The following IARS2 variants were observed in gnomAD, a reference collection of about 807,000 sequenced individuals.
IARS2 encodes the protein isoleucine--tRNA ligase, mitochondrial.
Under a neutral mutation model 126.3 loss-of-function variants are expected in IARS2, and 56 were observed. That is an observed-to-expected ratio of 0.44 (90% CI 0.36 to 0.55). The LOEUF is 0.55. IARS2 is among the 20% of genes least tolerant of loss of function. The pLI is 0.00. For missense variants in IARS2, 1,127 were observed against 1,245.9 expected (o/e 0.90, Z 1.44); for synonymous variants, 407 against 441.1 (o/e 0.92, Z 0.97).
At chr1:220,146,762 C>A (rs1272330902) in intron 22 of IARS2, among the ~76,000 whole-genome samples, 1 of 152,140 alleles carries the variant, frequency 6.6e-6, no homozygotes, top group Non-Finnish European at 1.5e-5. Flanking sequence ...ACCTCCGCCT[C>A]CCAGATTCAA....
chr1:220,111,576 G>GTA (rs148565915), intron 11 of IARS2, among the ~76,000 whole-genome samples: 15,424 of 139,212 alleles, frequency 0.11, 886 homozygotes, highest in African/African-American at 0.16. Context: ...TTCTATATGG[G>GTA]TATATATATA....
At chr1:220,118,198 G>A (rs746924691) in intron 12 of IARS2, 3 of 506,642 alleles carry the variant, frequency 5.9e-6, no homozygotes, top group African/African-American at 3.9e-5. Context: ...CTGGAAATTG[G>A]TACACAGTCC....
In IARS2 at chr1:220,143,102, A is replaced by G. The variant is rs752232281; in HGVS notation, c.2719A>G (p.Ile907Val). Residue 907 changes from isoleucine to valine, a missense_variant, in exon 21 of 23, where the codon ATA (isoleucine) becomes GTA (valine). Transcript: ENST00000366922. The stretch of plus-strand genomic sequence containing the variant: ...AGCTGAGTACAAGGTTATCACTGTG[A>G]TAGAACCTGGACTGCTTTTTGAGAT... ...NAAEYKVITV[I>V]EPGLLFEIIE... The G allele has an allele frequency of 1.2e-6, 2 of 1,613,914 alleles. No homozygotes were observed. Among genetic ancestry groups the G allele is most frequent in the African/African-American group, 1.3e-5 (1 of 74,936 alleles).
At chr1:220,100,371 T>G (rs1052904246) in intron 2 of IARS2, 119 bp from the exon 3 acceptor site, 1 of 840,504 alleles carries the variant, frequency 1.2e-6, no homozygotes, top group Non-Finnish European at 1.8e-6. Flanking sequence ...AAAAAGAACA[T>G]AAATTGTAGG....
At chr1:220,115,039 AG>A (rs1436786249) in intron 12 of IARS2, among the ~76,000 whole-genome samples, 19 of 151,926 alleles carry the variant, frequency 1.3e-4, no homozygotes, top group African/African-American at 4.4e-4. Context: ...TTCCTACTCC[AG>A]GTATCCAGAA....
intron 12 of IARS2, chr1:220,117,838 A>G: frequency 1.9e-6 from 1 of 521,456 alleles, no homozygotes; most frequent in Non-Finnish European, 4.0e-6. Flanking sequence ...GCGTGGTGTT[A>G]GTCGATTTCT....
At chr1:220,136,423 CA>C (rs1189502214) in intron 15 of IARS2, among the ~76,000 whole-genome samples, 1 of 152,112 alleles carries the variant, frequency 6.6e-6, no homozygotes, top group Non-Finnish European at 1.5e-5. Flanking sequence ...TGAGCCACTG[CA>C]CCCAGCCGAA....
chr1:220,098,104 G>T (rs1656486743), intron 2 of IARS2, among the ~76,000 whole-genome samples: 1 of 151,892 alleles, frequency 6.6e-6, no homozygotes, highest in South Asian at 2.1e-4. Context: ...AGCCAGGATG[G>T]TCTCCATCTC....
intron 2 of IARS2, among the ~76,000 whole-genome samples, chr1:220,096,938 C>G (rs990678997): frequency 1.3e-5 from 2 of 151,684 alleles, no homozygotes; most frequent in African/African-American, 2.4e-5. Context: ...CCCAGCTACT[C>G]GGGAGGCTGA....
chr1:220,100,222 T>A (rs2289190), intron 2 of IARS2, among the ~76,000 whole-genome samples: 2 of 152,066 alleles, frequency 1.3e-5, no homozygotes, highest in African/African-American at 2.4e-5. Context: ...CTGAGTACAC[T>A]GTAAGTTCTG....
Position 220,141,863 on chromosome 1 carries a change from A to G in IARS2, c.2475A>G (p.Glu825=), listed in dbSNP as rs777023665. The change falls in exon 20 of 23, where the codon GAA becomes GAG. Residue 825 remains glutamate, a synonymous_variant. Coordinates refer to ENST00000366922, the MANE Select transcript of IARS2 (RefSeq NM_018060.4). ...KRRSCQTALV[E]ILDVIVRSFA... ...GCTCTTGTCAGACTGCATTAGTTGA[A>G]ATTTTGGATGTAATAGTTCGTTCTT... The G allele has an allele frequency of 6.2e-7, 1 of 1,614,186 alleles. No homozygotes were observed. The highest frequency in any genetic ancestry group is 8.5e-7 in the Non-Finnish European group (1 of 1,180,036).
chr1:220,118,509 AT>A (rs758326195), intron 12 of IARS2, among the ~76,000 whole-genome samples: 2 of 152,108 alleles, frequency 1.3e-5, no homozygotes, highest in African/African-American at 4.8e-5. Context: ...TGCCATTAGA[AT>A]TTGGGTTGAA....
intron 1 of IARS2, among the ~76,000 whole-genome samples, chr1:220,095,515 CAGAA>C (rs1310074993): frequency 2.0e-5 from 3 of 152,226 alleles, no homozygotes; most frequent in Admixed American, 2.0e-4. Flanking sequence ...TTCTGTATGC[CAGAA>C]AGAGTGACAG....
intron 3 of IARS2, 110 bp from the exon 4 acceptor site, chr1:220,102,019 T>G (rs1656584485): frequency 9.6e-7 from 1 of 1,039,390 alleles, no homozygotes; most frequent in Non-Finnish European, 1.4e-6. Flanking sequence ...AAAAAAAATT[T>G]GCATTCTAAA....
chr1:220,144,296 T>G, intron 21 of IARS2: 1 of 759,062 alleles, frequency 1.3e-6, no homozygotes, highest in South Asian at 1.3e-5. Context: ...TTGCCTCTCT[T>G]TTTGGCATTG....
rs1657459643 is a variant in IARS2, at chr1:220,140,308, T to G, written c.2414+19T>G. ...AAGATAGGTATGTATGACTAAATAT[T>G]AAAATGCTTAACAATGGCCAGGTGT... On this transcript the variant is annotated intron_variant, in intron 19 of 22. Coordinates refer to ENST00000366922, the MANE Select transcript of IARS2 (RefSeq NM_018060.4). 2.1e-6 allele frequency: 3 copies of G among 1,412,110 alleles called. No individual in the cohort carries two copies. The highest frequency in any genetic ancestry group is 3.0e-6 in the Non-Finnish European group (3 of 998,222). The allele number at this position is 1,412,110 out of a possible 1,614,324, so 87.5% of individuals were successfully genotyped here. A position where few individuals can be genotyped will look rare whatever the true frequency, so the allele number is the denominator to read the frequency against.
rs568861450 is a variant in IARS2, at chr1:220,121,660, G to C, written c.1641-3577G>C. ...GGTCTTTACTATGTTGCCCAGGCTGGTCTTGAACTCTTGGGCTCAAGTGAT... is the reference window on the plus strand; with the variant it reads ...GGTCTTTACTATGTTGCCCAGGCTGCTCTTGAACTCTTGGGCTCAAGTGAT... On this transcript the variant is annotated intron_variant, in intron 12 of 22. Transcript: ENST00000366922. 8.5e-5 allele frequency among the ~76,000 whole-genome samples: 13 copies of C among 152,172 alleles called. 1 individual carries two copies. In the South Asian group the frequency reaches 1.2e-3, roughly 15 times the overall value.
intron 2 of IARS2, among the ~76,000 whole-genome samples, chr1:220,098,746 G>A (rs768001695): frequency 1.3e-5 from 2 of 152,074 alleles, no homozygotes; most frequent in Non-Finnish European, 2.9e-5. Flanking sequence ...TTGATACTGA[G>A]GAGTTAGTAA....
chr1:220,130,781 G>T (rs190007385), intron 14 of IARS2, among the ~76,000 whole-genome samples: 9 of 152,014 alleles, frequency 5.9e-5, no homozygotes, highest in Admixed American at 1.3e-4. Context: ...ATGGGGTAGG[G>T]GTTTATTTTC....
Sources: allele counts gnomAD v4.1 joint callset (sites outside exome capture counted in the v4.1 genomes callset), GRCh38; gene constraint gnomAD v4.1.1; transcripts MANE v1.5; gene names NCBI Gene and HGNC (gene_info 2026-07-23, HGNC 2026-07-21).